PSMD12: variants seen among roughly 807,000 people sequenced by gnomAD.
PSMD12 encodes the protein proteasome 26S subunit, non-ATPase 12.
PSMD12 carries 8 observed loss-of-function variants against 62.9 expected under a neutral mutation model. That is an observed-to-expected ratio of 0.13 (90% CI 0.07 to 0.23). The LOEUF (loss-of-function observed/expected upper bound fraction) is 0.23. PSMD12 is among the 10% of genes least tolerant of loss of function. The pLI is 1.00. For synonymous variants in PSMD12, 173 were observed against 187.4 expected, an observed-to-expected ratio of 0.92 and a Z score of 0.63; for missense variants, 424 against 550.2, an observed-to-expected ratio of 0.77 and a Z score of 2.29.
intron 3 of PSMD12, among the ~76,000 whole-genome samples, chr17:67,353,330 CTTTT>C (rs2042036327): frequency 6.8e-6 from 1 of 147,598 alleles, no homozygotes; most frequent in African/African-American, 2.5e-5. Flanking sequence ...CTCTCTCTTT[CTTTT>C]GAGACAGTCT....
At chr17:67,353,319 CCTCT>C (rs955993500) in intron 3 of PSMD12, among the ~76,000 whole-genome samples, 5 of 151,676 alleles carry the variant, frequency 3.3e-5, no homozygotes, top group African/African-American at 7.2e-5. Flanking sequence ...CCCCCCGCTC[CCTCT>C]CTCTTTCTTT....
intron 10 of PSMD12, among the ~76,000 whole-genome samples, chr17:67,341,369 T>C (rs528548716): frequency 2.1e-5 from 3 of 145,042 alleles, no homozygotes; most frequent in Non-Finnish European, 4.5e-5. Flanking sequence ...CTCAGGAGGC[T>C]GAGGCAGGAG....
rs79481194 is a variant in PSMD12 at position 67,363,553 on chromosome 17, G to T, written c.108+2859C>A. ...TCTTTTTACCAGGAGATGTGAGTTT[G>T]ATCTGCCTTGAATAAACCACTTAAG... On this transcript the variant is annotated intron_variant, in intron 1 of 10. Transcript: ENST00000356126. Among the ~76,000 whole-genome samples the T allele has an allele frequency of 2.8e-3, 429 of 152,292 alleles. 6 individuals carry two copies. The highest frequency in any genetic ancestry group is 9.9e-3 in the African/African-American group (412 of 41,572).
chr17:67,358,798 C>T (rs2042103421), intron 1 of PSMD12, among the ~76,000 whole-genome samples: 1 of 152,008 alleles, frequency 6.6e-6, no homozygotes, highest in Non-Finnish European at 1.5e-5. Context: ...TCTGAGAACA[C>T]CCACACATGC....
At chr17:67,356,440 C>T (rs1392866667) in intron 3 of PSMD12, among the ~76,000 whole-genome samples, 1 of 148,858 alleles carries the variant, frequency 6.7e-6, no homozygotes, top group Non-Finnish European at 1.5e-5. Context: ...CGCCTGTAGT[C>T]CCAGCTACTC....
In PSMD12 at chr17:67,356,292, G is replaced by A. The variant is rs138978133; in HGVS notation, c.297+1011C>T. ...CTGTTTTGCAAAAAAATCATATATT[G>A]GGATAATATAAGAAAATGAACTTTG... On this transcript the variant is annotated intron_variant, in intron 3 of 10. Transcript: ENST00000356126. Among the ~76,000 whole-genome samples the A allele has an allele frequency of 5.0e-3, 758 of 152,060 alleles. 9 individuals are homozygous for A. The highest frequency in any genetic ancestry group is 0.018 in the African/African-American group (732 of 41,504).
At chr17:67,353,353 C>T (rs1296735042) in intron 3 of PSMD12, among the ~76,000 whole-genome samples, 2 of 143,090 alleles carry the variant, frequency 1.4e-5, no homozygotes, top group African/African-American at 4.9e-5. Context: ...CTCACTCTGT[C>T]GCCCAGGCTA....
chr17:67,344,480 T>C lies in PSMD12; in HGVS notation c.1083+126A>G, dbSNP rs902174498. On this transcript the variant is annotated intron_variant, in intron 9 of 10. Coordinates refer to ENST00000356126, the MANE Select transcript of PSMD12 (RefSeq NM_002816.5). ...AGAATTAAACACATAACATCCTAAATGAACATTTGGTTATCAAATGTGACA... is the reference window on the plus strand; with the variant it reads ...AGAATTAAACACATAACATCCTAAACGAACATTTGGTTATCAAATGTGACA... 8 of 907,300 alleles carry C rather than the reference T, an allele frequency of 8.8e-6. No individual in the cohort carries two copies. In the Admixed American group the frequency reaches 2.4e-4, roughly 27 times the overall value. The allele number at this position is 907,300 out of a possible 1,614,324, so 56.2% of individuals were successfully genotyped here. A position where few individuals can be genotyped will look rare whatever the true frequency, so the allele number is the denominator to read the frequency against.
At chr17:67,363,456 A>T (rs528101119) in intron 1 of PSMD12, among the ~76,000 whole-genome samples, 18 of 152,338 alleles carry the variant, frequency 1.2e-4, no homozygotes, top group Admixed American at 2.6e-4. Flanking sequence ...CATTTAAAAT[A>T]AAAAATGCCT....
rs1395817002 is a variant in PSMD12, at chr17:67,338,133, T to C, written c.*2710A>G. On this transcript the variant is annotated 3_prime_UTR_variant, in exon 11 of 11. Coordinates refer to ENST00000356126, the MANE Select transcript of PSMD12 (RefSeq NM_002816.5). ...TTGAGGATAATCATAGAAACAGCTA[T>C]TGAACTCTAAAATAAAAAAATTATA... The C allele has an allele frequency of 1.3e-5, 2 of 152,210 alleles. No homozygotes were observed. The highest frequency in any genetic ancestry group is 2.4e-5 in the African/African-American group (1 of 41,464). The allele number at this position is 152,210 out of a possible 1,614,324, so 9.4% of individuals were successfully genotyped here.
At chr17:67,350,388 A>C (rs1200501438) in intron 3 of PSMD12, 52 bp from the exon 4 acceptor site, 2 of 1,342,016 alleles carry the variant, frequency 1.5e-6, no homozygotes, top group Non-Finnish European at 2.1e-6. Flanking sequence ...ACAGAGCGAA[A>C]AAATGTATTT....
At position 67,348,671 on chromosome 17, in the gene PSMD12, TAC is replaced by T; in HGVS notation, c.406-19_406-18del. ...AACATAAATCTACAAATGAGAAATT[TAC>T]ACAATCAAAATTCCATGGAAACGTG... On this transcript the variant is annotated intron_variant, in intron 4 of 10. Transcript: ENST00000356126. 5.0e-6 allele frequency: 8 copies of T among 1,596,720 alleles called. No individual in the cohort carries two copies. Among genetic ancestry groups the T allele is most frequent in the Non-Finnish European group, 6.8e-6 (8 of 1,169,942 alleles).
At chr17:67,343,974 G>A (rs988858188) in intron 9 of PSMD12, among the ~76,000 whole-genome samples, 1 of 152,178 alleles carries the variant, frequency 6.6e-6, no homozygotes, top group Non-Finnish European at 1.5e-5. Context: ...AAAGTGCTGG[G>A]ATCACAGGTG....
At chr17:67,354,211 T>TAA in intron 3 of PSMD12, among the ~76,000 whole-genome samples, 1 of 152,096 alleles carries the variant, frequency 6.6e-6, no homozygotes, top group East Asian at 1.9e-4. Context: ...GCTCACGAAT[T>TAA]AGAGGCCTGG....
At chr17:67,356,760 T>C (rs1294702085) in intron 3 of PSMD12, among the ~76,000 whole-genome samples, 1 of 151,906 alleles carries the variant, frequency 6.6e-6, no homozygotes, top group Non-Finnish European at 1.5e-5. Flanking sequence ...CCTGTAATTC[T>C]AGCATTTTGA....
intron 7 of PSMD12, 147 bp downstream of exon 7, chr17:67,346,969 G>C (rs1349243324): frequency 2.6e-6 from 2 of 777,356 alleles, no homozygotes; most frequent in East Asian, 2.7e-5. Context: ...CAATTGGACT[G>C]AATCAGTAAT....
At position 67,344,694 on chromosome 17, in the gene PSMD12, G is replaced by A; in HGVS notation, c.995C>T (p.Ser332Phe). The A allele has an allele frequency of 6.2e-7, 1 of 1,613,762 alleles. No individual in the cohort carries two copies. The highest frequency in any genetic ancestry group is 1.7e-5 in the Admixed American group (1 of 60,004). ...EDYGMELRKG[S>F]LESPATDVFG... ...AACATCCGTTGCAGGACTCTCAAGG[G>A]AACCTTTTCTTAATTCCATTCCATA... The change falls in exon 9 of 11, where the codon TCC (serine) becomes TTC (phenylalanine). Residue 332 changes from serine (S) to phenylalanine (F), a missense_variant. Physicochemically the swap from Ser to Phe is radical, Grantham distance 155. Coordinates refer to ENST00000356126, the MANE Select transcript of PSMD12 (RefSeq NM_002816.5).
chr17:67,350,129 AT>A lies in PSMD12; in HGVS notation c.405+99del, dbSNP rs2042003683. The A allele has an allele frequency of 5.6e-6, 4 of 710,312 alleles. No homozygotes were observed. The South Asian group carries it at 1.1e-4, about 20-fold the overall frequency. The allele number at this position is 710,312 out of a possible 1,614,324, so 44.0% of individuals were successfully genotyped here. Reference sequence around the variant, plus strand: ...GACATTTTGTGTATTTCTTTAAAAAATAAACATAAAAATATACAAAATATCT... The same window carrying A: ...GACATTTTGTGTATTTCTTTAAAAAAAAACATAAAAATATACAAAATATCT... On this transcript the variant is annotated intron_variant, in intron 4 of 10. Transcript: ENST00000356126.
At chr17:67,346,416 T>C (rs979928737) in intron 7 of PSMD12, among the ~76,000 whole-genome samples, 1 of 77,004 alleles carries the variant, frequency 1.3e-5, no homozygotes, top group Non-Finnish European at 2.9e-5. Context: ...AAAAAAAAAA[T>C]TAGCTGGGCA....
Sources: gnomAD v4.1 joint callset for allele counts (sites outside exome capture counted in the v4.1 genomes callset) on GRCh38, gnomAD v4.1.1 for gene constraint, MANE v1.5 for transcripts, NCBI Gene and HGNC (gene_info 2026-07-23, HGNC 2026-07-21) for gene names.